The following MYRF variants were observed in gnomAD, a reference collection of about 807,000 sequenced individuals.
MYRF encodes the protein myelin regulatory factor.
A neutral mutation model predicts 126.3 loss-of-function variants in MYRF; 16 were observed. That is an observed-to-expected ratio of 0.13 (90% confidence interval 0.09 to 0.19). The LOEUF (loss-of-function observed/expected upper bound fraction) is 0.19, where lower values mean the gene tolerates loss of function less well. Among genes scored for constraint, MYRF ranks in the 10% least tolerant of loss-of-function variants. The pLI is 1.00. For missense variants in MYRF, 1,104 were observed against 1,547.0 expected, an observed-to-expected ratio of 0.71 and a Z score of 4.80; for synonymous variants, 608 against 635.3, an observed-to-expected ratio of 0.96 and a Z score of 0.65.
intron 7 of MYRF, among the ~76,000 whole-genome samples, chr11:61,772,336 A>C (rs1426661805): frequency 6.6e-6 from 1 of 152,012 alleles, no homozygotes; most frequent in African/African-American, 2.4e-5. Flanking sequence ...GCTGGGGAGG[A>C]TCCGGTCAGA....
intron 4 of MYRF, among the ~76,000 whole-genome samples, chr11:61,769,751 T>C (rs900169041): frequency 6.6e-6 from 1 of 152,016 alleles, no homozygotes. Flanking sequence ...AAGAGTTCTG[T>C]TTATCTTACC....
intron 1 of MYRF, among the ~76,000 whole-genome samples, chr11:61,753,547 T>C (rs1338590098): frequency 6.6e-6 from 1 of 152,088 alleles, no homozygotes; most frequent in Non-Finnish European, 1.5e-5. Context: ...CTTCTAGTGC[T>C]GTGAACTGCA....
At position 61,781,608 on chromosome 11, in the gene MYRF, A is replaced by G. The variant is rs759272692; in HGVS notation, c.2800A>G (p.Ile934Val). The change falls in exon 22 of 27, where the codon ATC (isoleucine) becomes GTC (valine). Residue 934 changes from isoleucine (I) to valine (V), a missense_variant. Coordinates refer to ENST00000278836, the MANE Select transcript of MYRF (RefSeq NM_001127392.3). ...GATGGCCCTTCTGCCAGTCACCAAC[A>G]TCAGAGCCAAGTCCTGGGGTCTTTC... The part of the protein sequence containing the change: ...SQMALLPVTN[I>V]RAKSWGLSVN... 4 of 1,613,920 alleles carry G rather than the reference A, an allele frequency of 2.5e-6. No individual in the cohort carries two copies. Among genetic ancestry groups the G allele is most frequent in the Non-Finnish European group, 3.4e-6 (4 of 1,180,012 alleles).
intron 1 of MYRF, among the ~76,000 whole-genome samples, chr11:61,763,917 T>A (rs970183157): frequency 6.6e-6 from 1 of 152,126 alleles, no homozygotes; most frequent in African/African-American, 2.4e-5. Flanking sequence ...ATGTATTTGA[T>A]TCACAAAATG....
At chr11:61,767,620 G>A (rs2066101108) in intron 3 of MYRF, 2 of 351,482 alleles carry the variant, frequency 5.7e-6, no homozygotes, top group South Asian at 2.2e-5. Flanking sequence ...GAGCCCAGGA[G>A]TTCAAGACCA....
At chr11:61,775,542 G>C (rs538366623) in intron 8 of MYRF, among the ~76,000 whole-genome samples, 2 of 152,348 alleles carry the variant, frequency 1.3e-5, no homozygotes, top group South Asian at 4.1e-4. Flanking sequence ...TGTGATGAGT[G>C]AGCCAGGCAT....
chr11:61,770,150 C>A (rs961161015), intron 4 of MYRF, 96 bp from the exon 5 acceptor site: 2 of 1,285,334 alleles, frequency 1.6e-6, no homozygotes, highest in Non-Finnish European at 2.1e-6. Flanking sequence ...TGGCTCAGGA[C>A]GGGGTGGAAG....
chr11:61,774,268 T>A, intron 8 of MYRF, 106 bp downstream of exon 8: 2 of 1,055,206 alleles, frequency 1.9e-6, no homozygotes, highest in Non-Finnish European at 2.7e-6. Flanking sequence ...CTCACGCCTG[T>A]AATCCCAGCA....
At chr11:61,765,135 T>C (rs1170507256) in intron 1 of MYRF, among the ~76,000 whole-genome samples, 2 of 152,204 alleles carry the variant, frequency 1.3e-5, no homozygotes, top group East Asian at 3.9e-4. Flanking sequence ...CTGGGCCATC[T>C]GGACTGACCC....
intron 25 of MYRF, chr11:61,785,523 G>C (rs1746712503): frequency 7.7e-6 from 4 of 521,650 alleles, no homozygotes; most frequent in African/African-American, 7.6e-5. Context: ...CCAGAGCATA[G>C]TGGGTGAGGG....
chr11:61,768,886 C>G (rs578053650), intron 3 of MYRF: 29 of 202,522 alleles, frequency 1.4e-4, no homozygotes, highest in Non-Finnish European at 2.2e-4. Context: ...GGCCCAGCCC[C>G]CTAGGGCCCT....
intron 3 of MYRF, among the ~76,000 whole-genome samples, chr11:61,768,105 G>A (rs1184043754): frequency 1.4e-5 from 2 of 146,542 alleles, no homozygotes; most frequent in East Asian, 2.0e-4. Context: ...GTGACAGAGC[G>A]AGACTCTGTC....
Position 61,786,988 on chromosome 11 carries a change from C to G in MYRF, c.*845C>G, listed in dbSNP as rs886453312. ...GCCCCCAGATGGTATTGCAGCTTCACTGCCTGCGTTCCTGGGAGCGTCTGG... is the reference window on the plus strand; with the variant it reads ...GCCCCCAGATGGTATTGCAGCTTCAGTGCCTGCGTTCCTGGGAGCGTCTGG... On this transcript the variant is annotated 3_prime_UTR_variant, in exon 27 of 27. Transcript: ENST00000278836. This position sits in a 1 kb window ranked among gnomAD's most constrained non-coding sequence, Gnocchi z 4.5. The G allele has an allele frequency of 6.5e-6, 1 of 152,732 alleles. No individual in the cohort carries two copies. The highest frequency in any genetic ancestry group is 2.4e-5 in the African/African-American group (1 of 41,466). 9.5% of individuals were successfully genotyped at this position (152,732 alleles called of 1,614,324 possible).
In MYRF at chr11:61,781,873, C is replaced by G. The variant is rs561791718; in HGVS notation, c.3016+49C>G. The G allele has an allele frequency of 1.0e-5, 15 of 1,487,216 alleles. No homozygotes were observed. The South Asian group carries it at 1.9e-4, about 19-fold the overall frequency. 92.1% of individuals were successfully genotyped at this position (1,487,216 alleles called of 1,614,324 possible). On this transcript the variant is annotated intron_variant, in intron 22 of 26. Transcript: ENST00000278836. ...ACCCAGCCCAGCCTGGCAAGGCTCA[C>G]TGGCCAGGGCCCACCTCAGCCCAGT...
In MYRF at chr11:61,770,517, C is replaced by T. The variant is rs771811575; in HGVS notation, c.732C>T (p.His244=). The part of the protein sequence containing the change: ...SQMLHQLLQQ[H]GAELPTHPSK... ...TGCTGCACCAGCTCCTGCAGCAGCA[C>T]GGAGCTGAGTAAGACGTGGGTGGCT... is the stretch of plus-strand genomic sequence containing the variant. The change falls in exon 5 of 27, where the codon CAC becomes CAT. Residue 244 remains histidine (H), a synonymous_variant. Transcript: ENST00000278836. 54 of 1,562,518 alleles carry T rather than the reference C, an allele frequency of 3.5e-5. No individual in the cohort carries two copies. The highest frequency in any genetic ancestry group is 4.1e-5 in the Non-Finnish European group (47 of 1,153,246).
chr11:61,780,738 T>C lies in MYRF; in HGVS notation c.2432T>C (p.Leu811Pro), dbSNP rs1420452029. The change falls in exon 19 of 27, where the codon CTC (leucine) becomes CCC (proline). Residue 811 changes from leucine (L) to proline (P), a missense_variant. By Grantham distance (98) the Leu-to-Pro change is moderately conservative. Around this residue, in one of 10 missense-constraint regions of MYRF, gnomAD observed 323 missense variants for 383.1 expected, o/e 0.84. Transcript: ENST00000278836. Reference protein sequence around the residue: ...DGSFAVSTSCLLALLRPQPPG... With the variant: ...DGSFAVSTSCPLALLRPQPPG... ...TCTTTTGCCGTGTCCACTTCCTGTCTCCTGGCCCTGCTCCGGCCCCAGCCC... is the reference window on the plus strand; with the variant it reads ...TCTTTTGCCGTGTCCACTTCCTGTCCCCTGGCCCTGCTCCGGCCCCAGCCC... 5.2e-5 allele frequency: 80 copies of C among 1,549,254 alleles called. No homozygotes were observed. The highest frequency in any genetic ancestry group is 6.9e-5 in the Non-Finnish European group (79 of 1,147,076).
chr11:61,766,169 G>T lies in MYRF; in HGVS notation c.346G>T (p.Gly116Trp). Residue 116 changes from glycine (G) to tryptophan (W), a missense_variant, in exon 3 of 27, where the codon GGG (glycine) becomes TGG (tryptophan). Gly to Trp is a radical substitution (Grantham distance 184). Coordinates refer to ENST00000278836, the MANE Select transcript of MYRF (RefSeq NM_001127392.3). ...GGGCGCTGCCCCCAAGCCCTTCCCG[G>T]GGGGCACCGGGCCCCCCATCAAGGC... ...GMGAAPKPFPGGTGPPIKAEP... is the reference protein window; with the variant it reads ...GMGAAPKPFPWGTGPPIKAEP... 1 of 1,611,990 alleles carries T rather than the reference G, an allele frequency of 6.2e-7. No individual in the cohort carries two copies. Among genetic ancestry groups the T allele is most frequent in the Non-Finnish European group, 8.5e-7 (1 of 1,179,772 alleles).
In MYRF at chr11:61,757,638, C is replaced by T; in HGVS notation, c.46+4848C>T. 1 of 437,464 alleles carries T rather than the reference C, an allele frequency of 2.3e-6. No individual in the cohort carries two copies. The highest frequency in any genetic ancestry group is 4.6e-6 in the Non-Finnish European group (1 of 216,324). The allele number at this position is 437,464 out of a possible 1,614,324, so 27.1% of individuals were successfully genotyped here. ...CTGGTCCCTGGCACATCCAGTGGGG[C>T]CCGCCCCACCTCCCCCTCTGAGATT... On this transcript the variant is annotated intron_variant, in intron 1 of 26. Transcript: ENST00000278836. The surrounding 1 kb of genome is among the most constrained non-coding windows in gnomAD (Gnocchi z 4.7).
intron 1 of MYRF, among the ~76,000 whole-genome samples, chr11:61,758,588 G>A (rs1044584470): frequency 3.3e-5 from 5 of 152,200 alleles, no homozygotes; most frequent in African/African-American, 1.2e-4. Flanking sequence ...GCCTGTCGTC[G>A]GGTCAGTGAG....
Sources: gnomAD v4.1 joint callset for allele counts (sites outside exome capture counted in the v4.1 genomes callset) on GRCh38, gnomAD v4.1.1 for gene constraint, gnomAD v4.1.1 regional missense constraint, Gnocchi (gnomAD v3.1) non-coding constraint, MANE v1.5 for transcripts, NCBI Gene and HGNC (gene_info 2026-07-23, HGNC 2026-07-21) for gene names.